PDE6A: variants seen among roughly 807,000 people sequenced by gnomAD.
The protein encoded by PDE6A is phosphodiesterase 6A, also known as rod cGMP-specific 3',5'-cyclic phosphodiesterase subunit alpha.
Under a neutral mutation model 106.3 loss-of-function variants are expected in PDE6A, and 84 were observed. The observed-to-expected ratio is 0.79, with a 90% CI of 0.66 to 0.95. PDE6A has a LOEUF of 0.95. Among genes scored for constraint, PDE6A ranks in the 40% least tolerant of loss-of-function variants. The pLI is 0.00. For synonymous variants in PDE6A, 394 were observed against 386.6 expected (o/e 1.02, Z -0.23); for missense variants, 1,052 against 1,084.9 (o/e 0.97, Z 0.43).
At chr5:149,900,401 G>GATATATATATATATATATATATATATA (rs1752932187) in intron 8 of PDE6A, among the ~76,000 whole-genome samples, 1 of 116,994 alleles carries the variant, frequency 8.5e-6, no homozygotes, top group Non-Finnish European at 1.7e-5. Context: ...ATATATATCC[G>GATATATATATATATATATATATATATA]TTGGTTCATC....
At position 149,878,032 on chromosome 5, in the gene PDE6A, C is replaced by T. The variant is rs192393758; in HGVS notation, c.2135+5397G>A. 1.8e-3 allele frequency among the ~76,000 whole-genome samples: 273 copies of T among 152,238 alleles called. 1 individual carries two copies. Among genetic ancestry groups the T allele is most frequent in the African/African-American group, 6.1e-3 (254 of 41,550 alleles). ...GGCTGCCCAGAGGTTTTTGTCTCTACGACAATGCAATGTGGGAAGATTCAA... is the reference window on the plus strand; with the variant it reads ...GGCTGCCCAGAGGTTTTTGTCTCTATGACAATGCAATGTGGGAAGATTCAA... On this transcript the variant is annotated intron_variant, in intron 17 of 21. Coordinates refer to ENST00000255266, the MANE Select transcript of PDE6A (RefSeq NM_000440.3).
intron 6 of PDE6A, among the ~76,000 whole-genome samples, chr5:149,908,686 G>T (rs1369887595): frequency 2.0e-5 from 3 of 151,372 alleles, no homozygotes; most frequent in Non-Finnish European, 4.4e-5. Context: ...CTCATTTTTT[G>T]TTCCTTAAAT....
At chr5:149,917,655 C>A (rs926439858) in intron 5 of PDE6A, among the ~76,000 whole-genome samples, 1 of 152,176 alleles carries the variant, frequency 6.6e-6, no homozygotes, top group Non-Finnish European at 1.5e-5. Flanking sequence ...AAATAGGAAG[C>A]ATCCAAGGGG....
Position 149,896,785 on chromosome 5 carries a change from A to G in PDE6A, c.1408-9T>C. The G allele has an allele frequency of 1.2e-6, 2 of 1,614,014 alleles. No individual in the cohort carries two copies. Among genetic ancestry groups the G allele is most frequent in the Non-Finnish European group, 1.7e-6 (2 of 1,180,006 alleles). On this transcript the variant is annotated splice_polypyrimidine_tract_variant and intron_variant, in intron 10 of 21. Transcript: ENST00000255266. ...TACACCTCTCTGGTTTTCTGCCAGG[A>G]CCCAAAATGGCAGGGGAAAAAAAAT...
chr5:149,923,508 CA>C (rs918887686), intron 4 of PDE6A, among the ~76,000 whole-genome samples: 1 of 168 alleles, frequency 6.0e-3, no homozygotes, highest in Middle Eastern at 0.5. Context: ...AAATAAATAA[CA>C]TAACATAACA....
rs73798307 is a variant in PDE6A at position 149,871,871 on chromosome 5, A to T, written c.2136-3713T>A. Among the ~76,000 whole-genome samples, 635 of 152,320 alleles carry T rather than the reference A, an allele frequency of 4.2e-3. 4 individuals are homozygous for T. The highest frequency in any genetic ancestry group is 0.014 in the African/African-American group (588 of 41,572). On this transcript the variant is annotated intron_variant, in intron 17 of 21. Coordinates refer to ENST00000255266, the MANE Select transcript of PDE6A (RefSeq NM_000440.3). ...CTGGACAAGAGATGGAGCTGGCAAT[A>T]AAGAGAAATGTCCAGACAGATATGG...
intron 8 of PDE6A, among the ~76,000 whole-genome samples, chr5:149,901,397 G>T (rs938790542): frequency 6.6e-6 from 1 of 152,058 alleles, no homozygotes; most frequent in Admixed American, 6.5e-5. Flanking sequence ...GAATGGGGGC[G>T]CATGCCTGTA....
At chr5:149,908,590 A>G (rs1371255273) in intron 6 of PDE6A, among the ~76,000 whole-genome samples, 2 of 152,022 alleles carry the variant, frequency 1.3e-5, no homozygotes, top group Non-Finnish European at 1.5e-5. Context: ...CCATAAATGT[A>G]TTTGTCATTT....
At chr5:149,884,934 T>C in intron 14 of PDE6A, 67 bp from the exon 15 acceptor site, 1 of 1,255,586 alleles carries the variant, frequency 8.0e-7, no homozygotes, top group South Asian at 1.2e-5. Flanking sequence ...ACATCAAGTC[T>C]CCTGACTCAG....
rs772049478 is a variant in PDE6A, at chr5:149,883,512, G to A, written c.2052C>T (p.Ile684=). 2.5e-5 allele frequency: 41 copies of A among 1,612,684 alleles called. 1 individual carries two copies. Among genetic ancestry groups the A allele is most frequent in the Admixed American group, 2.0e-4 (12 of 59,978 alleles). ...TCTCATATGTCTTAGACTGATCCAC[G>A]ATCTTTTGGAACATCGTCCTCTTCC... ...YFKKRTMFQK[I]VDQSKTYESE... is the part of the protein sequence containing the mutation. Residue 684 remains isoleucine (I), a synonymous_variant, in exon 17 of 22, where the codon ATC becomes ATT. Transcript: ENST00000255266.
chr5:149,906,240 T>C (rs1385525373), intron 7 of PDE6A, among the ~76,000 whole-genome samples: 2 of 151,754 alleles, frequency 1.3e-5, no homozygotes, highest in East Asian at 1.9e-4. Context: ...ATCCCACCTT[T>C]TGAGGATGAG....
Position 149,863,088 on chromosome 5 carries a change from G to A in PDE6A, c.2506+31C>T, listed in dbSNP as rs1193746463. ...CACTGAGTGCTCAGGGAGTGGGGTG[G>A]TGGGAGTCCCTGCTTCCCCCTTCCA... is the stretch of plus-strand genomic sequence containing the variant. On this transcript the variant is annotated intron_variant, in intron 21 of 21. Coordinates refer to ENST00000255266, the MANE Select transcript of PDE6A (RefSeq NM_000440.3). The surrounding 1 kb of genome is among the most constrained non-coding windows in gnomAD (Gnocchi z 4.7). The A allele has an allele frequency of 2.5e-6, 4 of 1,613,834 alleles. No homozygotes were observed. Among genetic ancestry groups the A allele is most frequent in the Non-Finnish European group, 3.4e-6 (4 of 1,179,832 alleles).
rs199676934 is a variant in PDE6A, at chr5:149,899,471, C to T, written c.1167G>A (p.Pro389=). 41 of 1,613,986 alleles carry T rather than the reference C, an allele frequency of 2.5e-5. No individual in the cohort carries two copies. The African/African-American group carries it at 4.5e-4, about 18-fold the overall frequency. ...GWMIKNVLSM[P]IVNKKEEIVG... is the part of the protein sequence containing the mutation. ...CAATTTCTTCCTTCTTGTTCACAATCGGCATTGAAAGCACATTTTTAATCA... is the reference window on the plus strand; with the variant it reads ...CAATTTCTTCCTTCTTGTTCACAATTGGCATTGAAAGCACATTTTTAATCA... Residue 389 remains proline, a synonymous_variant, in exon 9 of 22, where the codon CCG becomes CCA. Transcript: ENST00000255266.
chr5:149,905,234 C>T (rs767895418), intron 7 of PDE6A, among the ~76,000 whole-genome samples: 1 of 152,128 alleles, frequency 6.6e-6, no homozygotes, highest in African/African-American at 2.4e-5. Flanking sequence ...TTTCTCCACC[C>T]ACTCTGTAGA....
intron 1 of PDE6A, among the ~76,000 whole-genome samples, chr5:149,941,426 G>A (rs1376049607): frequency 1.3e-5 from 2 of 152,174 alleles, no homozygotes; most frequent in Non-Finnish European, 2.9e-5. Context: ...TCCAGAGAGG[G>A]GGAGTGATTT....
chr5:149,934,070 C>T (rs1197602942), intron 2 of PDE6A, 51 bp from the exon 3 acceptor site: 1 of 1,002,156 alleles, frequency 1.0e-6, no homozygotes, highest in Non-Finnish European at 1.6e-6. Context: ...GAAATCCATC[C>T]TCTGGCTACT....
chr5:149,867,676 G>A (rs1393595089), intron 19 of PDE6A, 49 bp downstream of exon 19: 3 of 1,513,162 alleles, frequency 2.0e-6, no homozygotes, highest in Non-Finnish European at 2.8e-6. Context: ...TCTAGGTCAG[G>A]ATGGAGCACA....
chr5:149,895,208 C>T lies in PDE6A; in HGVS notation c.1703G>A (p.Gly568Glu), dbSNP rs779235573. The T allele has an allele frequency of 9.3e-6, 15 of 1,613,702 alleles. No homozygotes were observed. Among genetic ancestry groups the T allele is most frequent in the East Asian group, 2.2e-5 (1 of 44,892 alleles). Residue 568 changes from glycine to glutamate, a missense_variant, in exon 13 of 22, where the codon GGG (glycine) becomes GAG (glutamate). Physicochemically the swap from Gly to Glu is moderately conservative, Grantham distance 98. This residue lies in a region of PDE6A where 913 missense variants were observed against 915.2 expected (regional missense o/e 1.00). Coordinates refer to ENST00000255266, the MANE Select transcript of PDE6A (RefSeq NM_000440.3). ...YHNWRHGFNVGQTMFSLLVTG... is the reference protein window; with the variant it reads ...YHNWRHGFNVEQTMFSLLVTG... ...CACCAGCAGGGAGAACATGGTCTGC[C>T]CCACGTTGAAGCCGTGCCGCCAGTT...
At chr5:149,903,560 C>G (rs966602363) in intron 8 of PDE6A, 88 bp downstream of exon 8, 10 of 1,001,510 alleles carry the variant, frequency 1.0e-5, no homozygotes, top group Non-Finnish European at 1.6e-5. Flanking sequence ...TGCTTCCCAG[C>G]AGAGTGGGTG....
Sources: allele counts gnomAD v4.1 joint callset (sites outside exome capture counted in the v4.1 genomes callset), GRCh38; gene constraint gnomAD v4.1.1; regional missense constraint gnomAD v4.1.1; non-coding constraint Gnocchi (gnomAD v3.1); transcripts MANE v1.5; gene names NCBI Gene and HGNC (gene_info 2026-07-23, HGNC 2026-07-21).